SMYD3: variants seen among roughly 807,000 people sequenced by gnomAD.
SMYD3 encodes histone-lysine N-methyltransferase SMYD3.
A neutral mutation model predicts 57.7 loss-of-function variants in SMYD3; 36 were observed. The observed-to-expected ratio is 0.62, with a 90% CI of 0.48 to 0.82. SMYD3 has a LOEUF of 0.82. Among genes scored for constraint, SMYD3 ranks in the 40% least tolerant of loss-of-function variants. SMYD3 has a pLI of 0.00. For missense variants in SMYD3, 515 were observed against 538.8 expected (o/e 0.96, Z 0.44); for synonymous variants, 211 against 195.0 (o/e 1.08, Z -0.68).
chr1:246,135,514 G>A (rs1354156739), intron 5 of SMYD3, among the ~76,000 whole-genome samples: 1 of 151,998 alleles, frequency 6.6e-6, no homozygotes, highest in Non-Finnish European at 1.5e-5. Flanking sequence ...ATAAGTCCAT[G>A]CTGGCAAATA....
intron 5 of SMYD3, among the ~76,000 whole-genome samples, chr1:246,155,542 A>G (rs2062008900): frequency 6.6e-6 from 1 of 152,236 alleles, no homozygotes; most frequent in African/African-American, 2.4e-5. Flanking sequence ...TGATCATCAC[A>G]TAATTTCTCA....
At chr1:246,266,738 A>G (rs1161471320) in intron 5 of SMYD3, among the ~76,000 whole-genome samples, 1 of 152,104 alleles carries the variant, frequency 6.6e-6, no homozygotes, top group Non-Finnish European at 1.5e-5. Context: ...TGGAGGTTGC[A>G]GTGAGCCGAG....
intron 10 of SMYD3, among the ~76,000 whole-genome samples, chr1:245,790,598 A>G (rs963915482): frequency 6.6e-6 from 1 of 152,242 alleles, no homozygotes; most frequent in East Asian, 1.9e-4. Context: ...TCACAAGCAC[A>G]TAATTAGAGA....
chr1:246,401,845 C>A (rs527697232), intron 1 of SMYD3, among the ~76,000 whole-genome samples: 3 of 151,794 alleles, frequency 2.0e-5, no homozygotes, highest in Non-Finnish European at 4.4e-5. Flanking sequence ...GCCTCAGCCT[C>A]CCGAGTAGCT....
intron 5 of SMYD3, among the ~76,000 whole-genome samples, chr1:246,266,721 C>T (rs776584963): frequency 8.6e-5 from 13 of 151,786 alleles, no homozygotes; most frequent in South Asian, 2.1e-4. Flanking sequence ...AACTGGGACC[C>T]GGGAGGTGGA....
chr1:246,103,926 C>T (rs1342916362), intron 5 of SMYD3, among the ~76,000 whole-genome samples: 1 of 152,138 alleles, frequency 6.6e-6, no homozygotes, highest in Non-Finnish European at 1.5e-5. Context: ...TGAAAACTCC[C>T]TACTCATCCT....
At chr1:246,122,500 A>G (rs1277945882) in intron 5 of SMYD3, among the ~76,000 whole-genome samples, 3 of 152,234 alleles carry the variant, frequency 2.0e-5, no homozygotes, top group Admixed American at 2.0e-4. Flanking sequence ...ACTTGCTACC[A>G]TATGGCAAAT....
intron 1 of SMYD3, among the ~76,000 whole-genome samples, chr1:246,427,334 A>C (rs536871829): frequency 2.0e-5 from 3 of 151,406 alleles, no homozygotes; most frequent in South Asian, 2.1e-4. Flanking sequence ...TCCCGGCTAA[A>C]ACGGTGAAAC....
At chr1:246,259,697 T>C (rs1211125479) in intron 5 of SMYD3, among the ~76,000 whole-genome samples, 3 of 152,190 alleles carry the variant, frequency 2.0e-5, no homozygotes, top group South Asian at 2.1e-4. Context: ...ATAGAATGCA[T>C]AGTGGTCTGA....
chr1:245,890,752 C>G (rs1052682339), intron 8 of SMYD3, among the ~76,000 whole-genome samples: 6 of 152,184 alleles, frequency 3.9e-5, no homozygotes, highest in Admixed American at 1.3e-4. Flanking sequence ...ATCAGTATAT[C>G]GAAGAGGTAT....
intron 5 of SMYD3, among the ~76,000 whole-genome samples, chr1:246,039,004 G>A (rs1390937539): frequency 6.6e-6 from 1 of 152,072 alleles, no homozygotes; most frequent in African/African-American, 2.4e-5. Context: ...AACAAAAATT[G>A]GCCGTTCAAG....
intron 1 of SMYD3, among the ~76,000 whole-genome samples, chr1:246,363,147 A>G (rs1572421956): frequency 7.4e-6 from 1 of 135,152 alleles, no homozygotes; most frequent in Non-Finnish European, 1.6e-5. Flanking sequence ...TCCGCCCGGC[A>G]GCCGCCCCGT....
At chr1:245,841,954 G>A (rs571230557) in intron 10 of SMYD3, among the ~76,000 whole-genome samples, 2 of 152,188 alleles carry the variant, frequency 1.3e-5, no homozygotes, top group East Asian at 3.9e-4. Flanking sequence ...TAAATTTTAT[G>A]ACATATTTTT....
At chr1:245,814,301 C>A (rs1465507486) in intron 10 of SMYD3, 1 of 879,986 alleles carries the variant, frequency 1.1e-6, no homozygotes, top group Non-Finnish European at 1.4e-6. Flanking sequence ...ATTATCCAAA[C>A]CACTGTCTTC....
intron 5 of SMYD3, among the ~76,000 whole-genome samples, chr1:246,194,695 T>C (rs924405673): frequency 6.6e-6 from 1 of 152,190 alleles, no homozygotes; most frequent in Non-Finnish European, 1.5e-5. Flanking sequence ...ATCATTAAAA[T>C]TAAATTTGAA....
chr1:246,344,216 C>T (rs2065676357), intron 2 of SMYD3, among the ~76,000 whole-genome samples: 1 of 152,094 alleles, frequency 6.6e-6, no homozygotes, highest in Non-Finnish European at 1.5e-5. Context: ...CTCCATATAA[C>T]CAACACCAAA....
intron 10 of SMYD3, chr1:245,814,282 C>G (rs1368626785): frequency 1.4e-6 from 1 of 717,706 alleles, no homozygotes; most frequent in Non-Finnish European, 1.7e-6. Context: ...CAGTGTATAG[C>G]TACCTCCAAT....
rs150012023 is a variant in SMYD3 at position 245,987,505 on chromosome 1, A to G, written c.532-57568T>C. Among the ~76,000 whole-genome samples the G allele has an allele frequency of 8.2e-3, 1,254 of 152,372 alleles. 12 individuals are homozygous for G. Among genetic ancestry groups the G allele is most frequent in the Non-Finnish European group, 0.012 (807 of 68,036 alleles). On this transcript the variant is annotated intron_variant, in intron 5 of 11. Coordinates refer to ENST00000490107, the MANE Select transcript of SMYD3 (RefSeq NM_001167740.2). ...GAAGCCAGAGCCAGGGAGGTTTAACAATCATTAGTAACAGGTGATATCCAC... is the reference window on the plus strand; with the variant it reads ...GAAGCCAGAGCCAGGGAGGTTTAACGATCATTAGTAACAGGTGATATCCAC...
intron 5 of SMYD3, among the ~76,000 whole-genome samples, chr1:246,003,135 G>C (rs2059108837): frequency 6.6e-6 from 1 of 152,188 alleles, no homozygotes; most frequent in South Asian, 2.1e-4. Flanking sequence ...CGGTAAAGGG[G>C]CGAAGAAATG....
Sources: allele counts gnomAD v4.1 joint callset (sites outside exome capture counted in the v4.1 genomes callset), GRCh38; gene constraint gnomAD v4.1.1; transcripts MANE v1.5; gene names NCBI Gene and HGNC (gene_info 2026-07-23, HGNC 2026-07-21).